Variants in PRKAR1B observed in about 807,000 individuals in gnomAD.
PRKAR1B encodes the protein cAMP-dependent protein kinase type I-beta regulatory subunit.
A neutral mutation model predicts 46.5 loss-of-function variants in PRKAR1B; 22 were observed. The observed-to-expected ratio is 0.47, with a 90% CI of 0.34 to 0.68. PRKAR1B has a LOEUF of 0.68. Among genes scored for constraint, PRKAR1B ranks in the 30% least tolerant of loss-of-function variants. PRKAR1B has a pLI of 0.01. For missense variants in PRKAR1B, 445 were observed against 535.6 expected (o/e 0.83, Z 1.67); for synonymous variants, 259 against 217.7 (o/e 1.19, Z -1.67).
intron 1 of PRKAR1B, 62 bp from the exon 2 acceptor site, chr7:711,589 A>C: frequency 6.9e-7 from 1 of 1,446,860 alleles, no homozygotes; most frequent in Non-Finnish European, 9.5e-7. Context: ...CGCCGGATAA[A>C]CGCAGGCGGC....
intron 4 of PRKAR1B, among the ~76,000 whole-genome samples, chr7:622,420 AT>A: frequency 6.6e-6 from 1 of 152,356 alleles, no homozygotes; most frequent in Non-Finnish European, 1.5e-5. Flanking sequence ...GAAATAAAGA[AT>A]TTTTGTGACT....
At chr7:682,522 G>A (rs527757015) in intron 2 of PRKAR1B, among the ~76,000 whole-genome samples, 1 of 152,104 alleles carries the variant, frequency 6.6e-6, no homozygotes, top group East Asian at 1.9e-4. Flanking sequence ...GAGATGGGTG[G>A]ATCACGAGGT....
chr7:625,705 T>C (rs1051967357), intron 4 of PRKAR1B, among the ~76,000 whole-genome samples: 2 of 151,778 alleles, frequency 1.3e-5, no homozygotes, highest in Non-Finnish European at 2.9e-5. Flanking sequence ...AATAAAATAA[T>C]ATTATGAAAA....
intron 2 of PRKAR1B, among the ~76,000 whole-genome samples, chr7:700,228 C>G (rs1779987104): frequency 1.3e-5 from 2 of 152,152 alleles, no homozygotes; most frequent in Admixed American, 1.3e-4. Context: ...GACCAGCCCC[C>G]AAGCGACCCA....
chr7:604,625 C>T (rs1156653328), intron 6 of PRKAR1B, among the ~76,000 whole-genome samples: 1 of 152,228 alleles, frequency 6.6e-6, no homozygotes, highest in Non-Finnish European at 1.5e-5. Context: ...CTATCAGCTC[C>T]GGAAGCAGAG....
chr7:632,434 G>A (rs1450846403), intron 4 of PRKAR1B, among the ~76,000 whole-genome samples: 4 of 152,004 alleles, frequency 2.6e-5, no homozygotes, highest in South Asian at 2.1e-4. Context: ...AGGCTCCACC[G>A]GGGGGGTCTT....
chr7:704,861 T>C (rs754527151), intron 2 of PRKAR1B, among the ~76,000 whole-genome samples: 3 of 152,142 alleles, frequency 2.0e-5, no homozygotes, highest in Non-Finnish European at 4.4e-5. Context: ...TGAAACTCAG[T>C]AGTAAGAAAA....
In PRKAR1B at chr7:623,255, G is replaced by A. The variant is rs147833575; in HGVS notation, c.441-15803C>T. The stretch of plus-strand genomic sequence containing the variant: ...AGCAGAGCTCCTGCTCCCGGCTGGG[G>A]TGCCAACAGCACGGTGTTCTCAAAT... On this transcript the variant is annotated intron_variant, in intron 4 of 10. Transcript: ENST00000537384. 6.6e-3 allele frequency among the ~76,000 whole-genome samples: 998 copies of A among 152,316 alleles called. 8 individuals carry two copies. Among genetic ancestry groups the A allele is most frequent in the African/African-American group, 0.023 (937 of 41,556 alleles).
chr7:570,127 G>C (rs1051862286), intron 9 of PRKAR1B, among the ~76,000 whole-genome samples: 3 of 152,232 alleles, frequency 2.0e-5, no homozygotes, highest in African/African-American at 7.2e-5. Flanking sequence ...GGCCAAGCCC[G>C]GCACCTCGGC....
intron 1 of PRKAR1B, among the ~76,000 whole-genome samples, chr7:713,570 C>T (rs942822516): frequency 1.3e-5 from 2 of 151,596 alleles, no homozygotes; most frequent in Admixed American, 6.6e-5. Context: ...TCCACACTCA[C>T]GTATACACAC....
At chr7:571,963 C>T (rs1194332424) in intron 9 of PRKAR1B, among the ~76,000 whole-genome samples, 2 of 152,238 alleles carry the variant, frequency 1.3e-5, no homozygotes, top group African/African-American at 4.8e-5. Flanking sequence ...CGGGTGTCCG[C>T]CGGAGGCAGG....
chr7:551,396 G>A lies in PRKAR1B; in HGVS notation c.966C>T (p.Asp322=). The A allele has an allele frequency of 6.4e-7, 1 of 1,558,326 alleles. No homozygotes were observed. The highest frequency in any genetic ancestry group is 8.7e-7 in the Non-Finnish European group (1 of 1,150,882). Residue 322 remains aspartate (D), a synonymous_variant, in exon 10 of 11, where the codon GAC becomes GAT. Coordinates refer to ENST00000537384, the MANE Select transcript of PRKAR1B (RefSeq NM_001164760.2). ...GACGCCCACTGGACTCACCGAAGTAGTCAGAGGGTCCCAGGCGCCCCACCT... is the reference window on the plus strand; with the variant it reads ...GACGCCCACTGGACTCACCGAAGTAATCAGAGGGTCCCAGGCGCCCCACCT... ...YVEVGRLGPS[D]YFGEIALLLN...
Position 680,738 on chromosome 7 carries a change from A to G in PRKAR1B, c.178-12T>C, listed in dbSNP as rs1562611531. The G allele has an allele frequency of 1.2e-6, 2 of 1,613,536 alleles. No individual in the cohort carries two copies. Among genetic ancestry groups the G allele is most frequent in the East Asian group, 4.5e-5 (2 of 44,856 alleles). ...TGCCTGTTTTCTTCCTGTGTGGGAG[A>G]GGAAAACACAGAAAGGAAGTAAGAA... On this transcript the variant is annotated splice_polypyrimidine_tract_variant and intron_variant, in intron 2 of 10. Transcript: ENST00000537384.
intron 4 of PRKAR1B, among the ~76,000 whole-genome samples, chr7:669,216 GC>G (rs1786089652): frequency 6.6e-6 from 1 of 152,148 alleles, no homozygotes; most frequent in South Asian, 2.1e-4. Context: ...CAGTGAAAGA[GC>G]CCATCACGAA....
chr7:712,320 C>A (rs1230122404), intron 1 of PRKAR1B: 1 of 149,024 alleles, frequency 6.7e-6, no homozygotes, highest in Non-Finnish European at 1.5e-5. Flanking sequence ...GCGCCCCACT[C>A]CCGGCGGGGC....
At chr7:662,212 AC>A in intron 4 of PRKAR1B, among the ~76,000 whole-genome samples, 1 of 35,608 alleles carries the variant, frequency 2.8e-5, no homozygotes, top group South Asian at 1.3e-3. Flanking sequence ...ACAGGTCCCC[AC>A]CCCAACGGGT....
intron 9 of PRKAR1B, among the ~76,000 whole-genome samples, chr7:568,878 GC>G (rs1407520647): frequency 1.3e-5 from 2 of 152,112 alleles, no homozygotes; most frequent in African/African-American, 4.8e-5. Context: ...GCGCGGCGGT[GC>G]CCCGAGATAC....
intron 4 of PRKAR1B, among the ~76,000 whole-genome samples, chr7:641,718 G>C (rs550988482): frequency 2.6e-5 from 4 of 152,238 alleles, no homozygotes; most frequent in South Asian, 2.1e-4. Context: ...AAAGAAGCCA[G>C]ACACAAAAGA....
chr7:692,897 G>A (rs1246521097), intron 2 of PRKAR1B, among the ~76,000 whole-genome samples: 2 of 152,122 alleles, frequency 1.3e-5, no homozygotes, highest in East Asian at 1.9e-4. Context: ...GCAGGCTGGA[G>A]GGGGCTGAGA....
Sources: allele counts gnomAD v4.1 joint callset (sites outside exome capture counted in the v4.1 genomes callset), GRCh38; gene constraint gnomAD v4.1.1; transcripts MANE v1.5; gene names NCBI Gene and HGNC (gene_info 2026-07-23, HGNC 2026-07-21).